Variants in RABL2B observed in about 807,000 individuals in gnomAD.
RABL2B encodes rab-like protein 2B.
In RABL2B, 17 loss-of-function variants were observed where a neutral mutation model predicts 26.7. That is an observed-to-expected ratio of 0.64 (90% CI 0.44 to 0.95). The LOEUF (loss-of-function observed/expected upper bound fraction) is 0.95. Among genes scored for constraint, RABL2B ranks in the 40% least tolerant of loss-of-function variants. The pLI is 0.00. For missense variants in RABL2B, 170 were observed against 277.2 expected (o/e 0.61, Z 2.75); for synonymous variants, 70 against 103.9 (o/e 0.67, Z 1.99).
chr22:50,769,585 G>A, intron 6 of RABL2B, 33 bp from the exon 7 acceptor site: 1 of 1,613,782 alleles, frequency 6.2e-7, no homozygotes. Context: ...TGGTCTGTCT[G>A]TCAAGGGAAG....
chr22:50,781,511 T>G (rs2085878191), intron 2 of RABL2B, among the ~76,000 whole-genome samples: 1 of 151,962 alleles, frequency 6.6e-6, no homozygotes, highest in Non-Finnish European at 1.5e-5. Flanking sequence ...AGGACTTGAT[T>G]ATAAAAATGA....
chr22:50,769,641 A>T (rs2083845204), intron 6 of RABL2B, 89 bp from the exon 7 acceptor site: 1 of 1,590,734 alleles, frequency 6.3e-7, no homozygotes, highest in East Asian at 2.2e-5. Flanking sequence ...TTCATTCCAG[A>T]AAGTGGGATA....
At chr22:50,780,087 G>A (rs1232098076) in intron 2 of RABL2B, among the ~76,000 whole-genome samples, 2 of 152,152 alleles carry the variant, frequency 1.3e-5, no homozygotes, top group African/African-American at 4.8e-5. Context: ...GCTCAGGAAG[G>A]TGGCATGTGC....
chr22:50,777,788 T>C (rs1278678704), intron 3 of RABL2B, 164 bp downstream of exon 3: 9 of 1,002,206 alleles, frequency 9.0e-6, no homozygotes, highest in African/African-American at 8.0e-5. Flanking sequence ...TGCAATGCCA[T>C]GTGGGTCAAT....
rs1318471490 is a variant in RABL2B, at chr22:50,768,648, T to C, written c.*128A>G. The C allele has an allele frequency of 1.3e-6, 2 of 1,487,348 alleles. No individual in the cohort carries two copies. Among genetic ancestry groups the C allele is most frequent in the East Asian group, 5.0e-5 (2 of 40,248 alleles). 92.1% of individuals were successfully genotyped at this position (1,487,348 alleles called of 1,614,324 possible). ...ATCACGGGCCTAGAATGTGGGAGGCTAATAGGATGGGTGGGTTGCAGGAGG... is the reference window on the plus strand; with the variant it reads ...ATCACGGGCCTAGAATGTGGGAGGCCAATAGGATGGGTGGGTTGCAGGAGG... On this transcript the variant is annotated 3_prime_UTR_variant, in exon 9 of 9. Transcript: ENST00000691320.
chr22:50,775,704 T>G (rs2147176474), intron 5 of RABL2B, 68 bp downstream of exon 5: 1 of 1,545,400 alleles, frequency 6.5e-7, no homozygotes, highest in South Asian at 1.1e-5. Flanking sequence ...GGCCCAGGGC[T>G]GCTAGGCCCC....
In RABL2B at chr22:50,768,598, T is replaced by A. The variant is rs1482924901; in HGVS notation, c.*178A>T. ...GGGAATTCTTCCACCAGTCCAGAGTTTGCTGGTGCTGACCTCATCCCTGTA... is the reference window on the plus strand; with the variant it reads ...GGGAATTCTTCCACCAGTCCAGAGTATGCTGGTGCTGACCTCATCCCTGTA... On this transcript the variant is annotated 3_prime_UTR_variant, in exon 9 of 9. Coordinates refer to ENST00000691320, the MANE Select transcript of RABL2B (RefSeq NM_001130919.3). 1 of 1,416,774 alleles carries A rather than the reference T, an allele frequency of 7.1e-7. No individual in the cohort carries two copies. The highest frequency in any genetic ancestry group is 1.5e-5 in the African/African-American group (1 of 68,922). The allele number at this position is 1,416,774 out of a possible 1,614,324, so 87.8% of individuals were successfully genotyped here.
At chr22:50,775,024 C>T (rs2084763720) in intron 5 of RABL2B, among the ~76,000 whole-genome samples, 1 of 151,898 alleles carries the variant, frequency 6.6e-6, no homozygotes, top group African/African-American at 2.4e-5. Context: ...GGTGATCCAC[C>T]CATCTTGGCC....
At chr22:50,770,301 A>G (rs1294450120) in intron 5 of RABL2B, 1 of 414,322 alleles carries the variant, frequency 2.4e-6, no homozygotes, top group Admixed American at 3.8e-5. Context: ...CAATCACCTG[A>G]GGTCAGGAGT....
In RABL2B at chr22:50,775,788, G is replaced by C; in HGVS notation, c.281C>G (p.Ala94Gly). The C allele has an allele frequency of 1.2e-6, 2 of 1,614,188 alleles. No homozygotes were observed. Among genetic ancestry groups the C allele is most frequent in the Non-Finnish European group, 1.7e-6 (2 of 1,180,036 alleles). ...GTCTCGTACCATGATGCAGGCGTGGGCCTTGTGGTAGTAGGAGGCATGCAT... is the reference window on the plus strand; with the variant it reads ...GTCTCGTACCATGATGCAGGCGTGGCCCTTGTGGTAGTAGGAGGCATGCAT... ...QSMHASYYHK[A>G]HACIMVFDVQ... Residue 94 changes from alanine (A) to glycine (G), a missense_variant, in exon 5 of 9, where the codon GCC (alanine) becomes GGC (glycine). Ala to Gly is a moderately conservative substitution (Grantham distance 60). Coordinates refer to ENST00000691320, the MANE Select transcript of RABL2B (RefSeq NM_001130919.3).
intron 2 of RABL2B, among the ~76,000 whole-genome samples, chr22:50,781,242 G>A (rs1178974618): frequency 6.6e-6 from 1 of 151,750 alleles, no homozygotes. Context: ...TACTCGCAAG[G>A]CTGTGGCAGG....
chr22:50,776,583 C>G lies in RABL2B; in HGVS notation c.217+87G>C, dbSNP rs2085019998. 3 of 1,532,444 alleles carry G rather than the reference C, an allele frequency of 2.0e-6. No individual in the cohort carries two copies. The East Asian group carries it at 7.4e-5, about 38-fold the overall frequency. The allele number at this position is 1,532,444 out of a possible 1,614,324, so 94.9% of individuals were successfully genotyped here. ...GGGTCTCATTTTCTCCCTCTGGACT[C>G]TCTCCTTATGAACCTTCCCTCACCT... On this transcript the variant is annotated intron_variant, in intron 4 of 8. Coordinates refer to ENST00000691320, the MANE Select transcript of RABL2B (RefSeq NM_001130919.3).
In RABL2B at chr22:50,768,753, C is replaced by G. The variant is rs782308785; in HGVS notation, c.*23G>C. On this transcript the variant is annotated 3_prime_UTR_variant, in exon 9 of 9. Coordinates refer to ENST00000691320, the MANE Select transcript of RABL2B (RefSeq NM_001130919.3). ...AGGGAAGGGTATTTTAAAAGGGCTC[C>G]ACCCACCCCTAGCCCCAGCCCCTCA... 3.7e-6 allele frequency: 6 copies of G among 1,613,652 alleles called. No homozygotes were observed. Among genetic ancestry groups the G allele is most frequent in the Non-Finnish European group, 5.1e-6 (6 of 1,179,790 alleles).
intron 5 of RABL2B, among the ~76,000 whole-genome samples, chr22:50,774,117 G>A (rs1447498514): frequency 3.3e-5 from 5 of 152,212 alleles, no homozygotes; most frequent in Middle Eastern, 3.4e-3. Flanking sequence ...GGATGGTCTC[G>A]ATCTCCTAAC....
Position 50,770,027 on chromosome 22 carries a change from C to T in RABL2B, c.298-11G>A. 6.2e-7 allele frequency: 1 copy of T among 1,613,872 alleles called. No homozygotes were observed. The highest frequency in any genetic ancestry group is 8.5e-7 in the Non-Finnish European group (1 of 1,179,836). ...CTGTACATCAAACACCTGCAAAGGGCAGAGGAAGAAAGATAGCTCAGGTAT... is the reference window on the plus strand; with the variant it reads ...CTGTACATCAAACACCTGCAAAGGGTAGAGGAAGAAAGATAGCTCAGGTAT... On this transcript the variant is annotated splice_polypyrimidine_tract_variant and intron_variant, in intron 5 of 8. Transcript: ENST00000691320.
At chr22:50,774,366 A>G (rs1427865881) in intron 5 of RABL2B, among the ~76,000 whole-genome samples, 2 of 151,472 alleles carry the variant, frequency 1.3e-5, no homozygotes, top group African/African-American at 4.9e-5. Flanking sequence ...AAAAGGAAAT[A>G]TAAGTCCCAC....
rs2083693780 is a variant in RABL2B, at chr22:50,768,571, T to A, written c.*205A>T. On this transcript the variant is annotated 3_prime_UTR_variant, in exon 9 of 9. Coordinates refer to ENST00000691320, the MANE Select transcript of RABL2B (RefSeq NM_001130919.3). ...CTACTTCTGCTTCAAGGAGATCTGGTGGGGAATTCTTCCACCAGTCCAGAG... is the reference window on the plus strand; with the variant it reads ...CTACTTCTGCTTCAAGGAGATCTGGAGGGGAATTCTTCCACCAGTCCAGAG... The A allele has an allele frequency of 7.3e-6, 9 of 1,235,338 alleles. No individual in the cohort carries two copies. The Admixed American group carries it at 2.6e-4, about 36-fold the overall frequency. 76.5% of individuals were successfully genotyped at this position (1,235,338 alleles called of 1,614,324 possible).
rs201463242 is a variant in RABL2B at position 50,769,003 on chromosome 22, G to A, written c.591+38C>T. 775 of 1,397,830 alleles carry A rather than the reference G, an allele frequency of 5.5e-4. 11 individuals are homozygous for A. The South Asian group carries it at 9.8e-3, about 18-fold the overall frequency. 86.6% of individuals were successfully genotyped at this position (1,397,830 alleles called of 1,614,324 possible). A position where few individuals can be genotyped will look rare whatever the true frequency, so the allele number is the denominator to read the frequency against. ...TAGTCCCTATCCCTGAAGAGGAGCC[G>A]TTTCTTCCATCCCACCCGAAATGTG... On this transcript the variant is annotated intron_variant, in intron 8 of 8. Coordinates refer to ENST00000691320, the MANE Select transcript of RABL2B (RefSeq NM_001130919.3).
intron 5 of RABL2B, among the ~76,000 whole-genome samples, chr22:50,775,429 A>G (rs1555922675): frequency 6.6e-6 from 1 of 152,144 alleles, no homozygotes; most frequent in South Asian, 2.1e-4. Flanking sequence ...AGCAGGCAAC[A>G]GTGGAGGGAG....
Sources: allele counts gnomAD v4.1 joint callset (sites outside exome capture counted in the v4.1 genomes callset), GRCh38; gene constraint gnomAD v4.1.1; transcripts MANE v1.5; gene names NCBI Gene and HGNC (gene_info 2026-07-23, HGNC 2026-07-21).